Variants in CCDC170 observed in about 807,000 individuals in gnomAD.
CCDC170 encodes the protein coiled-coil domain containing 170.
A neutral mutation model predicts 72.6 loss-of-function variants in CCDC170; 69 were observed. That is an observed-to-expected ratio of 0.95 (90% confidence interval 0.78 to 1.16). CCDC170 has a LOEUF of 1.16. Among genes scored for constraint, CCDC170 ranks in the 50% most tolerant of loss-of-function variants. The probability of loss-of-function intolerance (pLI) is 0.00; values close to 1 mark genes in which losing one functional copy is unlikely to be tolerated. For missense variants in CCDC170, 852 were observed against 832.5 expected (o/e 1.02, Z -0.29); for synonymous variants, 300 against 303.9 (o/e 0.99, Z 0.13).
intron 5 of CCDC170, among the ~76,000 whole-genome samples, chr6:151,554,335 G>A (rs1782939517): frequency 6.6e-6 from 1 of 152,206 alleles, no homozygotes; most frequent in Admixed American, 6.5e-5. Context: ...AAGAATTAAA[G>A]CTAGGAAATA....
chr6:151,536,998 G>T (rs1490144165), intron 2 of CCDC170, among the ~76,000 whole-genome samples: 1 of 152,066 alleles, frequency 6.6e-6, no homozygotes, highest in Non-Finnish European at 1.5e-5. Flanking sequence ...AGCCTTGAGA[G>T]ATCTGGGGGC....
intron 6 of CCDC170, among the ~76,000 whole-genome samples, chr6:151,578,092 C>A (rs1776329193): frequency 6.6e-6 from 1 of 152,154 alleles, no homozygotes; most frequent in South Asian, 2.1e-4. Flanking sequence ...CCAGAAGCAC[C>A]AGCACACTTC....
intron 1 of CCDC170, among the ~76,000 whole-genome samples, chr6:151,512,092 A>T (rs1397951658): frequency 3.3e-5 from 5 of 151,412 alleles, no homozygotes; most frequent in Non-Finnish European, 5.9e-5. Context: ...CAATCCTCTT[A>T]TCTCAACCTC....
intron 5 of CCDC170, among the ~76,000 whole-genome samples, chr6:151,552,869 C>T (rs1176992226): frequency 1.4e-5 from 2 of 143,630 alleles, no homozygotes; most frequent in East Asian, 4.2e-4. Context: ...TCACTGCAAC[C>T]TCTGCCTTCC....
rs531072634 is a variant in CCDC170 at position 151,619,477 on chromosome 6, A to G, written c.*1330A>G. On this transcript the variant is annotated 3_prime_UTR_variant, in exon 11 of 11. Coordinates refer to ENST00000239374, the MANE Select transcript of CCDC170 (RefSeq NM_025059.4). Reference sequence around the variant, plus strand: ...GGACAATTTATCTTATTTCTATCATATAAGATGTATTTTTTTATTGTCCTT... The same window carrying G: ...GGACAATTTATCTTATTTCTATCATGTAAGATGTATTTTTTTATTGTCCTT... The G allele has an allele frequency of 6.6e-6, 1 of 152,316 alleles. No individual in the cohort carries two copies. Among genetic ancestry groups the G allele is most frequent in the East Asian group, 1.9e-4 (1 of 5,196 alleles). The allele number at this position is 152,316 out of a possible 1,614,324, so 9.4% of individuals were successfully genotyped here. A position where few individuals can be genotyped will look rare whatever the true frequency, so the allele number is the denominator to read the frequency against.
chr6:151,590,497 G>A (rs189575616), intron 7 of CCDC170, among the ~76,000 whole-genome samples: 34 of 152,290 alleles, frequency 2.2e-4, no homozygotes, highest in Admixed American at 1.9e-3. Flanking sequence ...TGAAATGCAC[G>A]TTCTGGTAAG....
intron 1 of CCDC170, among the ~76,000 whole-genome samples, chr6:151,526,083 CCTTCCTTCCTTT>C (rs987668586): frequency 3.4e-5 from 5 of 146,728 alleles, no homozygotes; most frequent in East Asian, 3.9e-4. Flanking sequence ...TTCCTTCCTT[CCTTCCTTCCTTT>C]CTTCCTTCCT....
intron 4 of CCDC170, among the ~76,000 whole-genome samples, chr6:151,546,687 C>A (rs1020160109): frequency 6.6e-6 from 1 of 152,170 alleles, no homozygotes; most frequent in Non-Finnish European, 1.5e-5. Flanking sequence ...AATAGCCAAC[C>A]CTAAGTCTGC....
Position 151,494,168 on chromosome 6 carries a change from G to T in CCDC170, c.40G>T (p.Ala14Ser). The T allele has an allele frequency of 6.6e-7, 1 of 1,520,364 alleles. No homozygotes were observed. Among genetic ancestry groups the T allele is most frequent in the South Asian group, 1.2e-5 (1 of 81,346 alleles). The allele number at this position is 1,520,364 out of a possible 1,614,324, so 94.2% of individuals were successfully genotyped here. ...DCTSHIALGA[A>S]SPAPEETYDH... Reference sequence around the variant, plus strand: ...CACCAGCCATATCGCGCTGGGTGCCGCTTCGCCAGCGCCCGAGGTACGGTC... The same window carrying T: ...CACCAGCCATATCGCGCTGGGTGCCTCTTCGCCAGCGCCCGAGGTACGGTC... Residue 14 changes from alanine (A) to serine (S), a missense_variant, in exon 1 of 11, where the codon GCT (alanine) becomes TCT (serine). Ala to Ser is a moderately conservative substitution (Grantham distance 99). Transcript: ENST00000239374.
chr6:151,620,610 GC>G lies in CCDC170; in HGVS notation c.*2467del. 1 of 152,274 alleles carries G rather than the reference GC, an allele frequency of 6.6e-6. No homozygotes were observed. 9.4% of individuals were successfully genotyped at this position (152,274 alleles called of 1,614,324 possible). On this transcript the variant is annotated 3_prime_UTR_variant, in exon 11 of 11. Coordinates refer to ENST00000239374, the MANE Select transcript of CCDC170 (RefSeq NM_025059.4). ...AGGCTCTCGGAGCTTGAGTGGCTCT[GC>G]CCCACCCTGAATCATGCACCCATAA...
intron 1 of CCDC170, among the ~76,000 whole-genome samples, chr6:151,534,213 T>A (rs1176763838): frequency 1.3e-5 from 2 of 151,792 alleles, no homozygotes; most frequent in Non-Finnish European, 2.9e-5. Flanking sequence ...AACAGGAACA[T>A]GCCACCACGC....
At chr6:151,524,319 A>G (rs1782370141) in intron 1 of CCDC170, among the ~76,000 whole-genome samples, 1 of 152,128 alleles carries the variant, frequency 6.6e-6, no homozygotes, top group Non-Finnish European at 1.5e-5. Context: ...TGTCTGCCTG[A>G]CTAGTTTCTT....
At chr6:151,573,521 C>A in intron 6 of CCDC170, 30 bp downstream of exon 6, 1 of 1,588,098 alleles carries the variant, frequency 6.3e-7, no homozygotes, top group Non-Finnish European at 8.6e-7. Context: ...TTACAGACAT[C>A]TTAAGAACAG....
chr6:151,560,583 G>C (rs949806151), intron 5 of CCDC170, among the ~76,000 whole-genome samples: 1 of 152,042 alleles, frequency 6.6e-6, no homozygotes, highest in East Asian at 1.9e-4. Flanking sequence ...CATGATTATT[G>C]TATGGCTATC....
intron 6 of CCDC170, among the ~76,000 whole-genome samples, chr6:151,581,159 G>A (rs1776374213): frequency 6.6e-6 from 1 of 152,128 alleles, no homozygotes. Flanking sequence ...CAACGTAGTT[G>A]AAAACAACAA....
chr6:151,508,587 C>T (rs1342104469), intron 1 of CCDC170, among the ~76,000 whole-genome samples: 1 of 151,884 alleles, frequency 6.6e-6, no homozygotes, highest in Non-Finnish European at 1.5e-5. Flanking sequence ...GTAGCGTGTG[C>T]CTGTAATCCC....
intron 6 of CCDC170, among the ~76,000 whole-genome samples, chr6:151,584,545 A>T (rs1181061078): frequency 6.6e-6 from 1 of 152,236 alleles, no homozygotes; most frequent in Non-Finnish European, 1.5e-5. Context: ...CACAAAAACA[A>T]ATTATTTAAA....
intron 1 of CCDC170, among the ~76,000 whole-genome samples, chr6:151,525,178 T>C (rs577135458): frequency 4.6e-5 from 7 of 152,218 alleles, no homozygotes; most frequent in Admixed American, 1.3e-4. Flanking sequence ...GTGATCCGCC[T>C]GCCTCGGCCT....
At chr6:151,513,919 C>CAA (rs58387477) in intron 1 of CCDC170, among the ~76,000 whole-genome samples, 4,838 of 51,022 alleles carry the variant, frequency 0.095, 182 homozygotes, top group East Asian at 0.21. Context: ...GACCCTGTCT[C>CAA]AAAAAAAAAA....
Sources: gnomAD v4.1 joint callset for allele counts (sites outside exome capture counted in the v4.1 genomes callset) on GRCh38, gnomAD v4.1.1 for gene constraint, MANE v1.5 for transcripts, NCBI Gene and HGNC (gene_info 2026-07-23, HGNC 2026-07-21) for gene names.